Variants in VSNL1 observed in about 807,000 individuals in gnomAD.
VSNL1 encodes the protein visinin like 1.
VSNL1 carries 6 observed loss-of-function variants against 20.4 expected under a neutral mutation model. The observed-to-expected ratio is 0.29, with a 90% confidence interval of 0.16 to 0.58. The LOEUF (loss-of-function observed/expected upper bound fraction) is 0.58. Ranked by LOEUF, VSNL1 falls within the 20% of genes least tolerant of loss-of-function variation. The pLI is 0.90. For missense variants in VSNL1, 100 were observed against 234.5 expected, an observed-to-expected ratio of 0.43 and a Z score of 3.75; for synonymous variants, 93 against 86.4, an observed-to-expected ratio of 1.08 and a Z score of -0.42.
At chr2:17,578,841 C>A (rs1269416158) in intron 1 of VSNL1, among the ~76,000 whole-genome samples, 1 of 152,248 alleles carries the variant, frequency 6.6e-6, no homozygotes, top group Non-Finnish European at 1.5e-5. Flanking sequence ...GAGCTGGAAA[C>A]ACATCAAACA....
chr2:17,638,063 T>C (rs1367667955), intron 2 of VSNL1, among the ~76,000 whole-genome samples: 1 of 152,202 alleles, frequency 6.6e-6, no homozygotes, highest in Non-Finnish European at 1.5e-5. Context: ...GCAGATGTGA[T>C]ACTAGTAGTA....
intron 2 of VSNL1, among the ~76,000 whole-genome samples, chr2:17,605,406 A>G (rs1454981139): frequency 6.6e-6 from 1 of 151,964 alleles, no homozygotes; most frequent in African/African-American, 2.4e-5. Flanking sequence ...TATGTGAAAA[A>G]AAGTTTAAGG....
chr2:17,571,972 T>C (rs1664094618), intron 1 of VSNL1, among the ~76,000 whole-genome samples: 1 of 152,142 alleles, frequency 6.6e-6, no homozygotes, highest in Admixed American at 6.5e-5. Flanking sequence ...AGGAACTCAA[T>C]ATGTTAGAGA....
rs1666216020 is a variant in VSNL1 at position 17,655,618 on chromosome 2, C to T, written c.*224C>T. ...GCATATATAAAACAAAACAAACAAC[C>T]TGCCACAATGTGATATGTGTAATAT... On this transcript the variant is annotated 3_prime_UTR_variant, in exon 4 of 4. Coordinates refer to ENST00000295156, the MANE Select transcript of VSNL1 (RefSeq NM_003385.5). The surrounding 1 kb of genome is among the most constrained non-coding windows in gnomAD (Gnocchi z 5.2). 2.0e-6 allele frequency: 1 copy of T among 508,592 alleles called. No homozygotes were observed. Among genetic ancestry groups the T allele is most frequent in the South Asian group, 2.6e-5 (1 of 38,254 alleles). The allele number at this position is 508,592 out of a possible 1,614,324, so 31.5% of individuals were successfully genotyped here.
intron 1 of VSNL1, among the ~76,000 whole-genome samples, chr2:17,555,067 A>G (rs1332836654): frequency 6.6e-6 from 1 of 152,200 alleles, no homozygotes; most frequent in Non-Finnish European, 1.5e-5. Context: ...AACTCTGACT[A>G]CAGGCTGCAT....
chr2:17,605,406 A>C (rs1454981139), intron 2 of VSNL1, among the ~76,000 whole-genome samples: 1 of 151,964 alleles, frequency 6.6e-6, no homozygotes, highest in Non-Finnish European at 1.5e-5. Context: ...TATGTGAAAA[A>C]AAGTTTAAGG....
At chr2:17,637,251 GA>G (rs1352804866) in intron 2 of VSNL1, among the ~76,000 whole-genome samples, 1 of 152,238 alleles carries the variant, frequency 6.6e-6, no homozygotes, top group Non-Finnish European at 1.5e-5. Context: ...CAGACTCAGA[GA>G]GATAAATATG....
intron 2 of VSNL1, among the ~76,000 whole-genome samples, chr2:17,608,698 T>C (rs957458237): frequency 5.3e-5 from 8 of 152,274 alleles, no homozygotes; most frequent in Middle Eastern, 3.4e-3. Flanking sequence ...GATGAAAACA[T>C]TGGGAAAATG....
At chr2:17,545,180 T>C (rs903257396) in intron 1 of VSNL1, among the ~76,000 whole-genome samples, 2 of 152,164 alleles carry the variant, frequency 1.3e-5, no homozygotes, top group African/African-American at 2.4e-5. Context: ...TGTACCTTGT[T>C]AATTATATCA....
chr2:17,591,897 T>A (rs954416083), intron 1 of VSNL1, among the ~76,000 whole-genome samples, 173 bp from the exon 2 acceptor site: 2 of 151,828 alleles, frequency 1.3e-5, no homozygotes, highest in African/African-American at 4.8e-5. Context: ...TCTATTTCAC[T>A]CATATATTTT....
At chr2:17,602,242 G>C (rs1244419591) in intron 2 of VSNL1, among the ~76,000 whole-genome samples, 3 of 152,178 alleles carry the variant, frequency 2.0e-5, no homozygotes, top group Non-Finnish European at 4.4e-5. Context: ...CAATTGGAAG[G>C]ATTCCTGGGC....
intron 1 of VSNL1, among the ~76,000 whole-genome samples, chr2:17,572,498 A>G (rs1354661641): frequency 3.3e-5 from 5 of 152,216 alleles, no homozygotes; most frequent in African/African-American, 1.2e-4. Flanking sequence ...TGCCAAAACA[A>G]GTAATTAACA....
At chr2:17,592,820 A>G (rs570100707) in intron 2 of VSNL1, among the ~76,000 whole-genome samples, 1 of 152,126 alleles carries the variant, frequency 6.6e-6, no homozygotes, top group Non-Finnish European at 1.5e-5. Context: ...TACACTACTC[A>G]GAAGCTAAAC....
At chr2:17,603,963 G>T (rs1664888222) in intron 2 of VSNL1, among the ~76,000 whole-genome samples, 1 of 152,200 alleles carries the variant, frequency 6.6e-6, no homozygotes, top group Non-Finnish European at 1.5e-5. Context: ...TACCTTGTGT[G>T]TACAGTACTA....
intron 2 of VSNL1, among the ~76,000 whole-genome samples, chr2:17,604,129 G>A (rs138603574): frequency 9.8e-4 from 149 of 152,356 alleles, no homozygotes; most frequent in African/African-American, 3.4e-3. Context: ...AGAACAGGAA[G>A]GGAGAGAGCA....
rs1270436844 is a variant in VSNL1, at chr2:17,649,773, C to T, written c.378+148C>T. Reference sequence around the variant, plus strand: ...CCTGGACTTCTCCTGCTTCTGTCCCCGCTGCAGCACAGTGCTGGGGAGGTC... The same window carrying T: ...CCTGGACTTCTCCTGCTTCTGTCCCTGCTGCAGCACAGTGCTGGGGAGGTC... On this transcript the variant is annotated intron_variant, in intron 3 of 3. Transcript: ENST00000295156. The surrounding 1 kb of genome is among the most constrained non-coding windows in gnomAD (Gnocchi z 6.4). 2.6e-5 allele frequency: 20 copies of T among 779,620 alleles called. No individual in the cohort carries two copies. Among genetic ancestry groups the T allele is most frequent in the Admixed American group, 5.0e-5 (2 of 39,830 alleles). 48.3% of individuals were successfully genotyped at this position (779,620 alleles called of 1,614,324 possible). A position where few individuals can be genotyped will look rare whatever the true frequency, so the allele number is the denominator to read the frequency against.
At chr2:17,625,252 C>CA (rs1481492121) in intron 2 of VSNL1, among the ~76,000 whole-genome samples, 1 of 152,146 alleles carries the variant, frequency 6.6e-6, no homozygotes, top group East Asian at 1.9e-4. Flanking sequence ...TTGTAAATTG[C>CA]CCAGTCTCGA....
At chr2:17,583,479 G>A (rs1255707930) in intron 1 of VSNL1, among the ~76,000 whole-genome samples, 1 of 152,230 alleles carries the variant, frequency 6.6e-6, no homozygotes, top group African/African-American at 2.4e-5. Flanking sequence ...GCCAAAGATG[G>A]CCCATTTCCT....
chr2:17,579,168 T>G (rs905355380), intron 1 of VSNL1, among the ~76,000 whole-genome samples: 3 of 151,876 alleles, frequency 2.0e-5, no homozygotes, highest in African/African-American at 7.3e-5. Flanking sequence ...CAAGCTGGAG[T>G]GCAGTGGTGC....
Sources: allele counts gnomAD v4.1 joint callset (sites outside exome capture counted in the v4.1 genomes callset), GRCh38; gene constraint gnomAD v4.1.1; non-coding constraint Gnocchi (gnomAD v3.1); transcripts MANE v1.5; gene names NCBI Gene and HGNC (gene_info 2026-07-23, HGNC 2026-07-21).